CBL: variants seen among roughly 807,000 people sequenced by gnomAD.
CBL encodes the protein E3 ubiquitin-protein ligase CBL.
Under a neutral mutation model 96.9 loss-of-function variants are expected in CBL, and 45 were observed. The observed-to-expected ratio is 0.46, with a 90% CI of 0.37 to 0.60. The LOEUF (loss-of-function observed/expected upper bound fraction) is 0.60. Ranked by LOEUF, CBL falls within the 20% of genes least tolerant of loss-of-function variation. The pLI, the probability that CBL is intolerant of heterozygous loss-of-function variation, is 0.00. For missense variants in CBL, 1,024 were observed against 1,143.5 expected (o/e 0.90, Z 1.51); for synonymous variants, 420 against 426.8 (o/e 0.98, Z 0.20).
intron 1 of CBL, among the ~76,000 whole-genome samples, chr11:119,229,336 C>T (rs1268050665): frequency 1.3e-5 from 2 of 152,028 alleles, no homozygotes; most frequent in African/African-American, 4.8e-5. Context: ...TTTTCCCTGG[C>T]CATGTTCTTC....
At chr11:119,272,827 T>C (rs1949859125) in intron 3 of CBL, among the ~76,000 whole-genome samples, 2 of 152,320 alleles carry the variant, frequency 1.3e-5, no homozygotes, top group Admixed American at 1.3e-4. Flanking sequence ...ACTAGTTCTT[T>C]GTTAGATACT....
chr11:119,224,574 A>G (rs1949440388), intron 1 of CBL, among the ~76,000 whole-genome samples: 1 of 152,178 alleles, frequency 6.6e-6, no homozygotes, highest in South Asian at 2.1e-4. Context: ...AAGCCAGATT[A>G]AAGAAAACAT....
intron 9 of CBL, among the ~76,000 whole-genome samples, chr11:119,284,474 T>A (rs1311479425): frequency 1.3e-5 from 2 of 152,000 alleles, no homozygotes; most frequent in Non-Finnish European, 2.9e-5. Context: ...TTTTATTTTA[T>A]TTTTTGTAGA....
chr11:119,218,669 C>T (rs924419195), intron 1 of CBL, among the ~76,000 whole-genome samples: 9 of 152,152 alleles, frequency 5.9e-5, no homozygotes, highest in African/African-American at 1.7e-4. Context: ...CACTACCCAC[C>T]GGTTAGTCAC....
intron 2 of CBL, among the ~76,000 whole-genome samples, chr11:119,263,573 T>C (rs959287283): frequency 1.3e-5 from 2 of 152,218 alleles, no homozygotes; most frequent in Non-Finnish European, 2.9e-5. Flanking sequence ...ACACTTAATA[T>C]GTGTTTAGTA....
rs1334985176 is a variant in CBL, at chr11:119,281,095, G to A, written c.1431+2382G>A. 6.6e-5 allele frequency among the ~76,000 whole-genome samples: 10 copies of A among 152,034 alleles called. No individual in the cohort carries two copies. The East Asian group carries it at 1.5e-3, about 23-fold the overall frequency. ...TGTTAGTATAGTAGTATGTGATACC[G>A]TGTACTGCTTTGTAGGAAATAGGAG... On this transcript the variant is annotated intron_variant, in intron 9 of 15. Transcript: ENST00000264033.
chr11:119,276,487 C>T (rs938792026), intron 6 of CBL, among the ~76,000 whole-genome samples: 23 of 152,164 alleles, frequency 1.5e-4, no homozygotes. Context: ...ATTCAATGTT[C>T]CTAATAGCCA....
chr11:119,278,384 G>A (rs1373961290), intron 8 of CBL, 87 bp downstream of exon 8: 2 of 1,558,900 alleles, frequency 1.3e-6, no homozygotes, highest in Non-Finnish European at 1.8e-6. Context: ...ACAAGGGGTG[G>A]CCTGGCTTTT....
intron 9 of CBL, among the ~76,000 whole-genome samples, chr11:119,283,113 TG>T (rs1949951210): frequency 1.3e-5 from 2 of 152,156 alleles, no homozygotes. Flanking sequence ...AAGTAAGGTC[TG>T]GGGTTGGTAA....
intron 1 of CBL, among the ~76,000 whole-genome samples, chr11:119,219,050 T>C (rs77102731): frequency 0.011 from 1,739 of 152,112 alleles, 37 homozygotes; most frequent in African/African-American, 0.039. Context: ...AACCCTTCTT[T>C]ATTTTAAAAA....
intron 15 of CBL, 151 bp from the exon 16 acceptor site, chr11:119,299,344 T>G (rs1336794376): frequency 1.4e-6 from 1 of 694,050 alleles, no homozygotes; most frequent in Non-Finnish European, 2.5e-6. Context: ...TTAAAACCCT[T>G]GAACCTGTAA....
rs150053029 is a variant in CBL, at chr11:119,302,877, C to G, written c.*3096C>G. On this transcript the variant is annotated 3_prime_UTR_variant, in exon 16 of 16. Coordinates refer to ENST00000264033, the MANE Select transcript of CBL (RefSeq NM_005188.4). ...TTCTCTTCCACTTGCTCGTCTCCCC[C>G]CAGCCCCATTCTGCATAATCTACCA... is the stretch of plus-strand genomic sequence containing the variant. 4,171 of 230,996 alleles carry G rather than the reference C, an allele frequency of 0.018. 63 individuals are homozygous for G. The highest frequency in any genetic ancestry group is 0.033 in the Middle Eastern group (25 of 768). 14.3% of individuals were successfully genotyped at this position (230,996 alleles called of 1,614,324 possible).
intron 1 of CBL, among the ~76,000 whole-genome samples, chr11:119,227,312 T>C (rs907259063): frequency 1.3e-5 from 2 of 152,196 alleles, no homozygotes; most frequent in African/African-American, 4.8e-5. Flanking sequence ...ATATTAAATA[T>C]ACTATTGACT....
intron 9 of CBL, among the ~76,000 whole-genome samples, 164 bp from the exon 10 acceptor site, chr11:119,284,805 G>A (rs1417119459): frequency 1.3e-5 from 2 of 152,154 alleles, no homozygotes; most frequent in East Asian, 3.9e-4. Context: ...AAGTGCTAGA[G>A]TCTCTGGAAG....
Position 119,307,651 on chromosome 11 carries a change from C to T in CBL, c.*7870C>T, listed in dbSNP as rs1261898010. 1 of 228,950 alleles carries T rather than the reference C, an allele frequency of 4.4e-6. No individual in the cohort carries two copies. The highest frequency in any genetic ancestry group is 2.2e-5 in the African/African-American group (1 of 45,094). The allele number at this position is 228,950 out of a possible 1,614,324, so 14.2% of individuals were successfully genotyped here. Reference sequence around the variant, plus strand: ...TCTTACTTATCTTTTACCCTTTCCTCAGTTTTCCCCTGCCTTTAACTAATA... The same window carrying T: ...TCTTACTTATCTTTTACCCTTTCCTTAGTTTTCCCCTGCCTTTAACTAATA... On this transcript the variant is annotated 3_prime_UTR_variant, in exon 16 of 16. Transcript: ENST00000264033.
At position 119,252,511 on chromosome 11, in the gene CBL, G is replaced by A. The variant is rs144610395; in HGVS notation, c.444-19224G>A. On this transcript the variant is annotated intron_variant, in intron 2 of 15. Transcript: ENST00000264033. ...CTAAGTGCTATTGACATCAACCATT[G>A]TGCAGGGCTTTTTAGGCCTATGTAT... Among the ~76,000 whole-genome samples, 603 of 152,178 alleles carry A rather than the reference G, an allele frequency of 4.0e-3. 6 individuals carry two copies. The highest frequency in any genetic ancestry group is 0.014 in the African/African-American group (589 of 41,508).
At chr11:119,250,436 C>G (rs1949662377) in intron 2 of CBL, among the ~76,000 whole-genome samples, 1 of 152,128 alleles carries the variant, frequency 6.6e-6, no homozygotes, top group Non-Finnish European at 1.5e-5. Flanking sequence ...GCATCTCTCT[C>G]CTCTCTTGTA....
rs776364583 is a variant in CBL at position 119,278,260 on chromosome 11, G to T, written c.1190G>T (p.Gly397Val). 1 of 1,613,614 alleles carries T rather than the reference G, an allele frequency of 6.2e-7. No individual in the cohort carries two copies. The highest frequency in any genetic ancestry group is 8.5e-7 in the Non-Finnish European group (1 of 1,179,604). ...AAGGATGTAAAGATTGAGCCCTGTGGACACCTCATGTGCACATCCTGTCTT... is the reference window on the plus strand; with the variant it reads ...AAGGATGTAAAGATTGAGCCCTGTGTACACCTCATGTGCACATCCTGTCTT... ...NDKDVKIEPC[G>V]HLMCTSCLTS... The change falls in exon 8 of 16, where the codon GGA (glycine) becomes GTA (valine). Residue 397 changes from glycine to valine, a missense_variant. Physicochemically the swap from Gly to Val is moderately radical, Grantham distance 109 (BLOSUM62 -3). Around this residue, in one of 4 missense-constraint regions of CBL, gnomAD observed 695 missense variants for 661.6 expected, o/e 1.05. Coordinates refer to ENST00000264033, the MANE Select transcript of CBL (RefSeq NM_005188.4).
chr11:119,260,401 G>A (rs1375812650), intron 2 of CBL, among the ~76,000 whole-genome samples: 1 of 151,696 alleles, frequency 6.6e-6, no homozygotes, highest in Admixed American at 6.6e-5. Context: ...GTGCCATCAC[G>A]CCTGGCTAAT....
Sources: allele counts gnomAD v4.1 joint callset (sites outside exome capture counted in the v4.1 genomes callset), GRCh38; gene constraint gnomAD v4.1.1; regional missense constraint gnomAD v4.1.1; transcripts MANE v1.5; gene names NCBI Gene and HGNC (gene_info 2026-07-23, HGNC 2026-07-21).